The following NUDCD3 variants were observed in gnomAD, a reference collection of about 807,000 sequenced individuals.
The protein encoded by NUDCD3 is NudC domain containing 3.
NUDCD3 carries 13 observed loss-of-function variants against 39.7 expected under a neutral mutation model. The ratio of observed to expected loss-of-function variants is 0.33; its 90% confidence interval spans 0.21 to 0.52. The LOEUF is 0.52. Ranked by LOEUF, NUDCD3 falls within the 20% of genes least tolerant of loss-of-function variation. The pLI is 0.96. For synonymous variants in NUDCD3, 175 were observed against 172.4 expected, an observed-to-expected ratio of 1.02 and a Z score of -0.12; for missense variants, 453 against 458.1, an observed-to-expected ratio of 0.99 and a Z score of 0.10.
chr7:44,466,015 G>T (rs1241327236), intron 2 of NUDCD3, among the ~76,000 whole-genome samples: 1 of 152,118 alleles, frequency 6.6e-6, no homozygotes, highest in African/African-American at 2.4e-5. Flanking sequence ...GAAATGACCA[G>T]TGAACCCAGG....
chr7:44,427,074 G>A (rs937574743), intron 3 of NUDCD3, among the ~76,000 whole-genome samples: 4 of 152,222 alleles, frequency 2.6e-5, no homozygotes, highest in African/African-American at 9.6e-5. Context: ...CAAAGCCCAG[G>A]AAACTCACAT....
intron 5 of NUDCD3, among the ~76,000 whole-genome samples, chr7:44,388,298 ACT>A (rs1798434991): frequency 2.0e-5 from 3 of 151,988 alleles, no homozygotes; most frequent in South Asian, 2.1e-4. Flanking sequence ...CCCATTTTCC[ACT>A]CTCTCTCCTT....
chr7:44,444,426 T>A (rs979406391), intron 2 of NUDCD3, among the ~76,000 whole-genome samples: 7 of 152,150 alleles, frequency 4.6e-5, no homozygotes, highest in Admixed American at 4.6e-4. Flanking sequence ...AGAAAGCTTT[T>A]CTGGCTGGGA....
At chr7:44,398,528 A>G (rs893157033) in intron 4 of NUDCD3, among the ~76,000 whole-genome samples, 4 of 152,210 alleles carry the variant, frequency 2.6e-5, no homozygotes, top group African/African-American at 9.6e-5. Context: ...GAGGGACCCC[A>G]GACTGCAGGC....
intron 2 of NUDCD3, among the ~76,000 whole-genome samples, chr7:44,476,610 G>A (rs1563189175): frequency 6.6e-6 from 1 of 152,150 alleles, no homozygotes; most frequent in Non-Finnish European, 1.5e-5. Context: ...AATGTCTGTT[G>A]TTTATAAGCC....
At chr7:44,389,127 G>A (rs1201242809) in intron 5 of NUDCD3, among the ~76,000 whole-genome samples, 2 of 152,254 alleles carry the variant, frequency 1.3e-5, no homozygotes, top group African/African-American at 4.8e-5. Flanking sequence ...TCAGAGCAGG[G>A]CAGCAGGGCA....
intron 4 of NUDCD3, among the ~76,000 whole-genome samples, chr7:44,403,372 G>A (rs923581033): frequency 1.3e-5 from 2 of 152,232 alleles, no homozygotes; most frequent in Non-Finnish European, 2.9e-5. Context: ...CACTAGGAGA[G>A]TGAGCAGTTG....
intron 3 of NUDCD3, among the ~76,000 whole-genome samples, chr7:44,411,710 A>G (rs1327086655): frequency 6.6e-6 from 1 of 152,254 alleles, no homozygotes; most frequent in African/African-American, 2.4e-5. Flanking sequence ...AAAATGGTAC[A>G]ACCACTTTGG....
intron 2 of NUDCD3, among the ~76,000 whole-genome samples, chr7:44,446,796 T>C (rs1299702001): frequency 6.6e-6 from 1 of 152,230 alleles, no homozygotes; most frequent in Non-Finnish European, 1.5e-5. Flanking sequence ...CCCCATACTA[T>C]TACCCTTTTA....
intron 5 of NUDCD3, among the ~76,000 whole-genome samples, chr7:44,390,810 A>G (rs1798499810): frequency 6.6e-6 from 1 of 152,232 alleles, no homozygotes; most frequent in Admixed American, 6.5e-5. Context: ...TAGTGGCCAC[A>G]GGCAAATGCA....
intron 2 of NUDCD3, among the ~76,000 whole-genome samples, chr7:44,444,194 C>T (rs1480279290): frequency 2.6e-5 from 4 of 152,168 alleles, no homozygotes; most frequent in Non-Finnish European, 5.9e-5. Flanking sequence ...CCACTTTAAC[C>T]TTCTCATCTC....
At chr7:44,426,181 GGTGTTTGTAGCTGAAGAAAAATAAATTTT>G in intron 3 of NUDCD3, 1 of 985,160 alleles carries the variant, frequency 1.0e-6, no homozygotes, top group Non-Finnish European at 1.2e-6. Context: ...GGGGTGACCG[GGTGTTTGTAGCTGAAGAAAAATAAATTTT>G]GTGTTTGTTG....
chr7:44,421,137 G>C (rs1267508226), intron 3 of NUDCD3, among the ~76,000 whole-genome samples: 2 of 152,058 alleles, frequency 1.3e-5, no homozygotes, highest in Non-Finnish European at 2.9e-5. Flanking sequence ...TTCGAGACCA[G>C]TCTGGCCAAT....
chr7:44,482,055 A>G (rs1269541476), intron 2 of NUDCD3, among the ~76,000 whole-genome samples: 1 of 152,210 alleles, frequency 6.6e-6, no homozygotes, highest in East Asian at 1.9e-4. Context: ...ATTTTGTTAT[A>G]GCAGCCTAAG....
intron 2 of NUDCD3, among the ~76,000 whole-genome samples, chr7:44,481,074 T>A (rs979432190): frequency 6.6e-6 from 1 of 150,904 alleles, no homozygotes; most frequent in Admixed American, 6.6e-5. Context: ...ACTATTTACA[T>A]AGCATTTACA....
intron 2 of NUDCD3, among the ~76,000 whole-genome samples, chr7:44,455,661 TGA>T (rs1321561110): frequency 6.6e-6 from 1 of 152,176 alleles, no homozygotes; most frequent in African/African-American, 2.4e-5. Flanking sequence ...CAGGTAAATG[TGA>T]GTGTAAGAAC....
chr7:44,450,429 C>T (rs1421525090), intron 2 of NUDCD3, among the ~76,000 whole-genome samples: 2 of 151,784 alleles, frequency 1.3e-5, no homozygotes, highest in Non-Finnish European at 2.9e-5. Flanking sequence ...CCACCTAACT[C>T]GGCCTCCCAA....
chr7:44,490,655 G>C lies in NUDCD3; in HGVS notation c.-55C>G, dbSNP rs557827243. 1.3e-6 allele frequency: 2 copies of C among 1,510,210 alleles called. No homozygotes were observed. Among genetic ancestry groups the C allele is most frequent in the African/African-American group, 1.4e-5 (1 of 70,860 alleles). 93.6% of individuals were successfully genotyped at this position (1,510,210 alleles called of 1,614,324 possible). Reference sequence around the variant, plus strand: ...CACACAGCGCCGCCTCAGACCTGCCGACTGGCCACTTCCGGCGTCCGCAGC... The same window carrying C: ...CACACAGCGCCGCCTCAGACCTGCCCACTGGCCACTTCCGGCGTCCGCAGC... On this transcript the variant is annotated 5_prime_UTR_variant, in exon 1 of 6. Transcript: ENST00000355451.
chr7:44,472,838 G>T (rs1800283139), intron 2 of NUDCD3, among the ~76,000 whole-genome samples: 2 of 152,214 alleles, frequency 1.3e-5, no homozygotes, highest in Admixed American at 1.3e-4. Flanking sequence ...CTAGGATGGG[G>T]TCGGGTACTC....
Sources: gnomAD v4.1 joint callset for allele counts (sites outside exome capture counted in the v4.1 genomes callset) on GRCh38, gnomAD v4.1.1 for gene constraint, MANE v1.5 for transcripts, NCBI Gene and HGNC (gene_info 2026-07-23, HGNC 2026-07-21) for gene names.